Variants in CHODL observed in about 807,000 individuals in gnomAD.
CHODL encodes the protein chondrolectin.
Under a neutral mutation model 34.5 loss-of-function variants are expected in CHODL, and 29 were observed. That is an observed-to-expected ratio of 0.84 (90% CI 0.63 to 1.15). The LOEUF (loss-of-function observed/expected upper bound fraction) is 1.15, where lower values mean the gene tolerates loss of function less well. Among genes scored for constraint, CHODL ranks in the 50% most tolerant of loss-of-function variants. CHODL has a pLI of 0.00. For missense variants in CHODL, 332 were observed against 332.5 expected, an observed-to-expected ratio of 1.00 and a Z score of 0.01; for synonymous variants, 125 against 116.1, an observed-to-expected ratio of 1.08 and a Z score of -0.49.
At chr21:18,224,582 A>G (rs1334213006) in intron 2 of CHODL, among the ~76,000 whole-genome samples, 1 of 152,176 alleles carries the variant, frequency 6.6e-6, no homozygotes, top group African/African-American at 2.4e-5. Flanking sequence ...ATCTCTATTT[A>G]GGGTATAGTC....
intron 2 of CHODL, among the ~76,000 whole-genome samples, chr21:18,186,881 C>A (rs1483461022): frequency 6.6e-6 from 1 of 152,042 alleles, no homozygotes; most frequent in Non-Finnish European, 1.5e-5. Context: ...CTAATAATGT[C>A]CAGCTTTAAT....
rs2074398098 is a variant in CHODL, at chr21:18,262,786, TG to T, written c.635-4del. On this transcript the variant is annotated splice_region_variant and splice_polypyrimidine_tract_variant and intron_variant, in intron 4 of 5. Coordinates refer to ENST00000299295, the MANE Select transcript of CHODL (RefSeq NM_024944.3). ...TTTTCACATGAAGACTGTTTTATTT[TG>T]TAGGTATAATTCCCAATCTAATTTA... The T allele has an allele frequency of 4.8e-6, 7 of 1,449,892 alleles. No individual in the cohort carries two copies. The highest frequency in any genetic ancestry group is 6.8e-6 in the Non-Finnish European group (7 of 1,033,416). The allele number at this position is 1,449,892 out of a possible 1,614,324, so 89.8% of individuals were successfully genotyped here.
At chr21:17,964,739 G>A (rs1173424899) in intron 1 of CHODL, among the ~76,000 whole-genome samples, 2 of 152,144 alleles carry the variant, frequency 1.3e-5, no homozygotes, top group East Asian at 3.8e-4. Context: ...CATAATCAAT[G>A]TTAACTGTCC....
At chr21:18,252,160 T>C (rs983186953) in intron 1 of CHODL, among the ~76,000 whole-genome samples, 2 of 152,138 alleles carry the variant, frequency 1.3e-5, no homozygotes, top group African/African-American at 4.8e-5. Flanking sequence ...TAAAAGGATG[T>C]CTTCAATTGC....
intron 2 of CHODL, among the ~76,000 whole-genome samples, chr21:18,229,120 A>G (rs1428856902): frequency 6.6e-6 from 1 of 152,190 alleles, no homozygotes; most frequent in African/African-American, 2.4e-5. Context: ...CCTTTGCAAT[A>G]TATGATGGAG....
At chr21:18,142,956 C>G (rs1279839746) in intron 2 of CHODL, among the ~76,000 whole-genome samples, 2 of 151,958 alleles carry the variant, frequency 1.3e-5, no homozygotes, top group Middle Eastern at 3.2e-3. Context: ...TTTTAGAATC[C>G]CAGGATAATT....
intron 4 of CHODL, among the ~76,000 whole-genome samples, chr21:18,260,803 C>A (rs1038638953): frequency 6.6e-6 from 1 of 151,396 alleles, no homozygotes; most frequent in Non-Finnish European, 1.5e-5. Context: ...CAAAGTGAGA[C>A]CCTGTCTCAA....
At chr21:18,128,488 A>G (rs1263732114) in intron 2 of CHODL, among the ~76,000 whole-genome samples, 1 of 152,058 alleles carries the variant, frequency 6.6e-6, no homozygotes, top group Non-Finnish European at 1.5e-5. Flanking sequence ...TCCATTAAGG[A>G]AACTTCAATA....
intron 2 of CHODL, among the ~76,000 whole-genome samples, chr21:18,131,228 G>A (rs927269549): frequency 6.6e-6 from 1 of 152,084 alleles, no homozygotes; most frequent in Admixed American, 6.6e-5. Context: ...GAATAGTAAA[G>A]GGCCCTGCCT....
At chr21:18,129,757 A>G (rs2072629530) in intron 2 of CHODL, among the ~76,000 whole-genome samples, 1 of 152,166 alleles carries the variant, frequency 6.6e-6, no homozygotes, top group Non-Finnish European at 1.5e-5. Context: ...TATTTGGACA[A>G]GTTCTGATAA....
intron 2 of CHODL, among the ~76,000 whole-genome samples, chr21:18,033,957 A>G (rs2064278780): frequency 6.6e-6 from 1 of 152,044 alleles, no homozygotes; most frequent in Admixed American, 6.6e-5. Context: ...ATAACATCTT[A>G]AGATAAGTTT....
chr21:18,123,574 A>C (rs2065506367), intron 2 of CHODL, among the ~76,000 whole-genome samples: 1 of 152,174 alleles, frequency 6.6e-6, no homozygotes, highest in Non-Finnish European at 1.5e-5. Context: ...AGGCAGCAGA[A>C]ATGAGCATGC....
intron 2 of CHODL, among the ~76,000 whole-genome samples, chr21:18,136,610 A>T (rs954528363): frequency 1.3e-5 from 2 of 151,226 alleles, no homozygotes; most frequent in South Asian, 4.2e-4. Flanking sequence ...ATCCTGTGGG[A>T]GTGTGTGTGT....
chr21:17,947,532 A>AACACACAC (rs1003512511), intron 1 of CHODL, among the ~76,000 whole-genome samples: 15 of 106,844 alleles, frequency 1.4e-4, no homozygotes, highest in Middle Eastern at 4.1e-3. Context: ...CCTAATAAGA[A>AACACACAC]ACACACACAC....
intron 2 of CHODL, among the ~76,000 whole-genome samples, chr21:18,089,399 T>C (rs1255471281): frequency 2.0e-5 from 3 of 152,192 alleles, no homozygotes; most frequent in Non-Finnish European, 4.4e-5. Flanking sequence ...AGAAGTTTAA[T>C]TTCTCTTCTG....
chr21:18,204,236 T>A (rs533707475), intron 2 of CHODL, among the ~76,000 whole-genome samples: 23 of 152,172 alleles, frequency 1.5e-4, no homozygotes, highest in African/African-American at 5.5e-4. Flanking sequence ...ATTTAGCGAG[T>A]CTGTGACTAA....
intron 2 of CHODL, among the ~76,000 whole-genome samples, chr21:18,203,415 T>A (rs2073677105): frequency 6.6e-6 from 1 of 152,178 alleles, no homozygotes; most frequent in Non-Finnish European, 1.5e-5. Flanking sequence ...CAGTTCGTTC[T>A]AAAACTTCAA....
intron 2 of CHODL, among the ~76,000 whole-genome samples, chr21:18,177,334 T>G (rs1464498655): frequency 1.3e-5 from 2 of 152,124 alleles, no homozygotes; most frequent in Non-Finnish European, 2.9e-5. Context: ...AAACAGCAAA[T>G]AAACTGAATA....
chr21:18,206,791 A>AT (rs2073716679), intron 2 of CHODL, among the ~76,000 whole-genome samples: 1 of 145,172 alleles, frequency 6.9e-6, no homozygotes, highest in African/African-American at 2.6e-5. Context: ...CTTACTTTTA[A>AT]TTTTTTGTCT....
Sources: allele counts gnomAD v4.1 joint callset (sites outside exome capture counted in the v4.1 genomes callset), GRCh38; gene constraint gnomAD v4.1.1; transcripts MANE v1.5; gene names NCBI Gene and HGNC (gene_info 2026-07-23, HGNC 2026-07-21).